The following PCDHGB2 variants were observed in gnomAD, a reference collection of about 807,000 sequenced individuals.
PCDHGB2 encodes the protein protocadherin gamma subfamily B, 2.
PCDHGB2 carries 55 observed loss-of-function variants against 59.3 expected under a neutral mutation model. The observed-to-expected ratio is 0.93, with a 90% confidence interval of 0.75 to 1.16. The LOEUF (loss-of-function observed/expected upper bound fraction) is 1.16. Ranked by LOEUF, PCDHGB2 falls within the 50% of genes most tolerant of loss-of-function variation. The pLI is 0.00. For synonymous variants in PCDHGB2, 516 were observed against 512.0 expected (o/e 1.01, Z -0.11); for missense variants, 1,228 against 1,198.5 (o/e 1.02, Z -0.36).
intron 1 of PCDHGB2, chr5:141,400,386 A>G (rs766907172): frequency 5.0e-6 from 8 of 1,614,040 alleles, no homozygotes; most frequent in Non-Finnish European, 5.1e-6. Context: ...TATGTGTTGC[A>G]CATACAGGAA....
At chr5:141,452,161 A>G (rs559274240) in intron 1 of PCDHGB2, among the ~76,000 whole-genome samples, 1 of 152,204 alleles carries the variant, frequency 6.6e-6, no homozygotes, top group South Asian at 2.1e-4. Context: ...GTTATATTCT[A>G]TTACTAACAT....
chr5:141,370,291 A>C (rs1766798910), intron 1 of PCDHGB2: 8 of 1,049,850 alleles, frequency 7.6e-6, no homozygotes, highest in Admixed American at 2.8e-5. Flanking sequence ...AGAGAACCCA[A>C]GCACAAAGAC....
Position 141,431,010 on chromosome 5 carries a change from T to G in PCDHGB2, c.2422-63797T>G. 2 of 1,613,972 alleles carry G rather than the reference T, an allele frequency of 1.2e-6. No individual in the cohort carries two copies. The highest frequency in any genetic ancestry group is 1.7e-6 in the Non-Finnish European group (2 of 1,179,964). The stretch of plus-strand genomic sequence containing the variant: ...GCCCTGAATCCGCGCAGCGGCAGCT[T>G]GGTCACGGCGGGCAGGATAGACCGG... On this transcript the variant is annotated intron_variant, in intron 1 of 3. Transcript: ENST00000522605. The surrounding 1 kb of genome is among the most constrained non-coding windows in gnomAD (Gnocchi z 4.8).
At chr5:141,459,763 G>A (rs1243169814) in intron 1 of PCDHGB2, among the ~76,000 whole-genome samples, 1 of 152,206 alleles carries the variant, frequency 6.6e-6, no homozygotes, top group South Asian at 2.1e-4. Context: ...GTGGGTGTGT[G>A]ATACTATCTC....
rs36031641 is a variant in PCDHGB2 at position 141,434,771 on chromosome 5, T to TA, written c.2422-60023dup. ...CCCCTGATTCCCCACTTCACACTTCTAAAAAAAAAAAAATTTTTTTTTCTG... is the reference window on the plus strand; with the variant it reads ...CCCCTGATTCCCCACTTCACACTTCTAAAAAAAAAAAAAATTTTTTTTTCTG... On this transcript the variant is annotated intron_variant, in intron 1 of 3. Coordinates refer to ENST00000522605, the MANE Select transcript of PCDHGB2 (RefSeq NM_018923.3). Among the ~76,000 whole-genome samples, 71 of 145,288 alleles carry TA rather than the reference T, an allele frequency of 4.9e-4. 1 individual carries two copies. The highest frequency in any genetic ancestry group is 3.6e-3 in the Middle Eastern group (1 of 278).
At chr5:141,389,969 C>CTTGA (rs746625491) in intron 1 of PCDHGB2, 8 of 1,613,924 alleles carry the variant, frequency 5.0e-6, no homozygotes, top group Non-Finnish European at 6.8e-6. Flanking sequence ...TGGCCTTGGC[C>CTTGA]TTGATCTCAG....
chr5:141,426,166 G>A (rs545570121), intron 1 of PCDHGB2: 4 of 155,070 alleles, frequency 2.6e-5, no homozygotes, highest in South Asian at 2.0e-4. Context: ...GATTCCATAC[G>A]GATTGGGGTG....
chr5:141,373,908 A>C, intron 1 of PCDHGB2: 1 of 621,550 alleles, frequency 1.6e-6, no homozygotes, highest in Non-Finnish European at 2.6e-6. Flanking sequence ...ATCCTCCAAC[A>C]ACAAAGCAAA....
intron 1 of PCDHGB2, chr5:141,367,871 A>G (rs2149916351): frequency 6.6e-6 from 1 of 152,278 alleles, no homozygotes; most frequent in South Asian, 2.1e-4. Flanking sequence ...GTGTAGGTGC[A>G]ATTCTTCTTT....
At chr5:141,376,832 G>A (rs1773425503) in intron 1 of PCDHGB2, 3 of 257,250 alleles carry the variant, frequency 1.2e-5, no homozygotes, top group South Asian at 6.2e-5. Flanking sequence ...GACTACAGGC[G>A]CCCGCCACCG....
chr5:141,413,002 G>A, intron 1 of PCDHGB2: 2 of 597,506 alleles, frequency 3.3e-6, no homozygotes, highest in East Asian at 3.0e-5. Context: ...GGATTCTCAG[G>A]GCTTCAACTA....
Position 141,510,956 on chromosome 5 carries a change from A to T in PCDHGB2, c.2579A>T (p.Asp860Val). 1 of 1,614,104 alleles carries T rather than the reference A, an allele frequency of 6.2e-7. No homozygotes were observed. The highest frequency in any genetic ancestry group is 8.5e-7 in the Non-Finnish European group (1 of 1,179,996). The change falls in exon 4 of 4, where the codon GAT becomes GTT. Residue 860 changes from aspartate to valine, a missense_variant. Asp to Val is a radical substitution (Grantham distance 152). This residue lies in a region of PCDHGB2 where 433 missense variants were observed against 441.8 expected (regional missense o/e 0.98). Transcript: ENST00000522605. ...MILASASEAA[D>V]GSSTLGGGAG... ...TCCTCTGTCTCTGCAGAAGCTGCTG[A>T]TGGGAGCTCCACCCTGGGAGGGGGT...
At chr5:141,371,995 C>T in intron 1 of PCDHGB2, 2 of 1,613,264 alleles carry the variant, frequency 1.2e-6, no homozygotes, top group Non-Finnish European at 1.7e-6. Context: ...ACTCTGCAGG[C>T]CCGCGACCAG....
intron 1 of PCDHGB2, chr5:141,365,990 G>T: frequency 6.2e-7 from 1 of 1,614,216 alleles, no homozygotes; most frequent in Non-Finnish European, 8.5e-7. Flanking sequence ...GTTTGTGCTG[G>T]ACCAGAACGA....
intron 1 of PCDHGB2, among the ~76,000 whole-genome samples, chr5:141,457,674 A>G (rs577008886): frequency 2.9e-4 from 44 of 152,256 alleles, no homozygotes; most frequent in South Asian, 2.1e-4. Flanking sequence ...GGTTATTTCT[A>G]CATAGGACTT....
chr5:141,491,479 C>T lies in PCDHGB2; in HGVS notation c.2422-3328C>T. On this transcript the variant is annotated intron_variant, in intron 1 of 3. Transcript: ENST00000522605. The surrounding 1 kb of genome is among the most constrained non-coding windows in gnomAD (Gnocchi z 6.9). ...CCCGGACTTCTATAAGCAGTCCAGCCCCAACCTGCAGGTGAGCTCGGACGG... is the reference window on the plus strand; with the variant it reads ...CCCGGACTTCTATAAGCAGTCCAGCTCCAACCTGCAGGTGAGCTCGGACGG... 1 of 1,614,144 alleles carries T rather than the reference C, an allele frequency of 6.2e-7. No homozygotes were observed. Among genetic ancestry groups the T allele is most frequent in the Non-Finnish European group, 8.5e-7 (1 of 1,180,024 alleles).
intron 1 of PCDHGB2, among the ~76,000 whole-genome samples, chr5:141,450,062 A>G (rs546772416): frequency 1.1e-4 from 15 of 142,322 alleles, no homozygotes; most frequent in African/African-American, 4.0e-4. Flanking sequence ...GCTGGAATGC[A>G]GTGGTATGAT....
At chr5:141,434,462 C>T (rs2097695951) in intron 1 of PCDHGB2, among the ~76,000 whole-genome samples, 1 of 152,156 alleles carries the variant, frequency 6.6e-6, no homozygotes, top group Non-Finnish European at 1.5e-5. Flanking sequence ...GTGGGTTTAC[C>T]GGAATGAGGG....
chr5:141,511,373 G>T lies in PCDHGB2; in HGVS notation c.*200G>T. On this transcript the variant is annotated 3_prime_UTR_variant, in exon 4 of 4. Transcript: ENST00000522605. ...CCCCCAGGGGGTTGAATATGCAAAA[G>T]CAGTTCCGCTGGGAACCCCCATCCA... 8.0e-7 allele frequency: 1 copy of T among 1,251,332 alleles called. No homozygotes were observed. The highest frequency in any genetic ancestry group is 1.6e-5 in the South Asian group (1 of 63,796). The allele number at this position is 1,251,332 out of a possible 1,614,324, so 77.5% of individuals were successfully genotyped here.
Sources: allele counts gnomAD v4.1 joint callset (sites outside exome capture counted in the v4.1 genomes callset), GRCh38; gene constraint gnomAD v4.1.1; regional missense constraint gnomAD v4.1.1; non-coding constraint Gnocchi (gnomAD v3.1); transcripts MANE v1.5; gene names NCBI Gene and HGNC (gene_info 2026-07-23, HGNC 2026-07-21).